PCDH11X: variants seen among roughly 807,000 people sequenced by gnomAD.
PCDH11X encodes the protein protocadherin 11 X-linked, also known as protocadherin-11 X-linked.
A neutral mutation model predicts 53.3 loss-of-function variants in PCDH11X; 18 were observed. That is an observed-to-expected ratio of 0.34 (90% CI 0.23 to 0.50). The LOEUF is 0.50. PCDH11X is among the 20% of genes least tolerant of loss of function. PCDH11X has a pLI of 0.98. For missense variants in PCDH11X, 570 were observed against 1,032.4 expected, an observed-to-expected ratio of 0.55 and a Z score of 6.14; for synonymous variants, 279 against 393.3, an observed-to-expected ratio of 0.71 and a Z score of 3.44.
chrX:92,027,540 A>G (rs189489235), intron 6 of PCDH11X, among the ~76,000 whole-genome samples: 11 of 111,405 alleles, frequency 9.9e-5, no homozygotes, highest in Non-Finnish European at 2.1e-4. Context: ...TACATCTTAT[A>G]TATAGCGTAG....
intron 10 of PCDH11X, among the ~76,000 whole-genome samples, chrX:92,539,332 C>A: frequency 9.0e-6 from 1 of 111,689 alleles, no homozygotes; most frequent in East Asian, 2.8e-4. Context: ...ACTAGCCTGT[C>A]TTCAACTAAA....
At chrX:92,011,022 C>T (rs2062681425) in intron 6 of PCDH11X, among the ~76,000 whole-genome samples, 1 of 111,027 alleles carries the variant, frequency 9.0e-6, no homozygotes, top group Non-Finnish European at 1.9e-5. Flanking sequence ...TAATGGCCTA[C>T]AGCCACATCC....
intron 10 of PCDH11X, among the ~76,000 whole-genome samples, chrX:92,497,162 T>C (rs1274734839): frequency 2.7e-5 from 3 of 109,734 alleles, no homozygotes; most frequent in Non-Finnish European, 5.7e-5. Flanking sequence ...GCTTGGTGGA[T>C]GGAAAAATTA....
intron 6 of PCDH11X, among the ~76,000 whole-genome samples, chrX:92,007,984 A>G (rs1733028592): frequency 9.0e-6 from 1 of 110,773 alleles, no homozygotes; most frequent in African/African-American, 3.3e-5. Flanking sequence ...GACTCTGACC[A>G]GTGCCTTATC....
At chrX:91,821,548 G>A (rs1428176377) in intron 4 of PCDH11X, among the ~76,000 whole-genome samples, 1 of 109,379 alleles carries the variant, frequency 9.1e-6, no homozygotes, top group Admixed American at 9.7e-5. Flanking sequence ...TGCTGAAGTT[G>A]TTTATCAGCT....
intron 6 of PCDH11X, among the ~76,000 whole-genome samples, chrX:92,128,490 C>G (rs1004950016): frequency 2.8e-5 from 3 of 108,373 alleles, no homozygotes; most frequent in African/African-American, 1.0e-4. Context: ...CTCTGCCTCC[C>G]GGGTTCAAGT....
At chrX:91,815,556 G>A (rs1213693187) in intron 4 of PCDH11X, among the ~76,000 whole-genome samples, 3 of 110,205 alleles carry the variant, frequency 2.7e-5, no homozygotes, top group Admixed American at 9.8e-5. Context: ...TCTTCTGTGA[G>A]AATGGTAAAA....
rs34306564 is a variant in PCDH11X, at chrX:92,098,636, C to CTT, written c.3034-102714_3034-102713dup. ...CTTGTCCAGTGAAGCTCCAAATGCT[C>CTT]TTTTTTTTTTTTTTTTTTTTTTTTT... On this transcript the variant is annotated intron_variant, in intron 6 of 10. Coordinates refer to ENST00000682573, the MANE Select transcript of PCDH11X (RefSeq NM_032968.5). Among the ~76,000 whole-genome samples the CTT allele has an allele frequency of 6.7e-3, 296 of 43,902 alleles. 35 individuals carry two copies. The highest frequency in any genetic ancestry group is 8.2e-3 in the Non-Finnish European group (218 of 26,666). 38.1% of individuals were successfully genotyped at this position (43,902 alleles called of 115,157 possible). A position where few individuals can be genotyped will look rare whatever the true frequency, so the allele number is the denominator to read the frequency against.
At chrX:91,947,682 A>C (rs1319665581) in intron 6 of PCDH11X, among the ~76,000 whole-genome samples, 1 of 104,891 alleles carries the variant, frequency 9.5e-6, no homozygotes, top group Non-Finnish European at 2.0e-5. Context: ...ATAAAGAGTA[A>C]TTTTCCTCCA....
intron 10 of PCDH11X, among the ~76,000 whole-genome samples, chrX:92,561,222 G>A (rs1446152107): frequency 1.9e-5 from 2 of 107,473 alleles, no homozygotes; most frequent in Non-Finnish European, 3.8e-5. Flanking sequence ...ATAAATACCT[G>A]ACTATTCAAT....
chrX:92,343,585 G>C (rs1190689786), intron 8 of PCDH11X, among the ~76,000 whole-genome samples: 1 of 110,663 alleles, frequency 9.0e-6, no homozygotes, highest in Non-Finnish European at 1.9e-5. Context: ...AAATGACTTT[G>C]CCTTTCAAGA....
At chrX:92,004,851 C>T (rs2062571876) in intron 6 of PCDH11X, among the ~76,000 whole-genome samples, 1 of 99,532 alleles carries the variant, frequency 1.0e-5, no homozygotes, top group African/African-American at 3.7e-5. Flanking sequence ...GCTTGGCTCA[C>T]TGCAAGCTCC....
chrX:92,147,219 TCTAA>T (rs1203035187), intron 6 of PCDH11X, among the ~76,000 whole-genome samples: 1 of 108,296 alleles, frequency 9.2e-6, no homozygotes, highest in Non-Finnish European at 1.9e-5. Context: ...AATGGAACTA[TCTAA>T]CTATGTAAAA....
At chrX:92,133,470 G>A (rs147669654) in intron 6 of PCDH11X, among the ~76,000 whole-genome samples, 1,411 of 111,532 alleles carry the variant, frequency 0.013, 19 homozygotes, top group African/African-American at 0.043. Flanking sequence ...GGCTTCAAGC[G>A]ATTCTCCTGC....
chrX:91,857,361 G>C (rs903516069), intron 5 of PCDH11X, among the ~76,000 whole-genome samples: 3 of 111,334 alleles, frequency 2.7e-5, no homozygotes, highest in African/African-American at 9.8e-5. Context: ...GGGACACAGC[G>C]AAACCATATT....
intron 6 of PCDH11X, among the ~76,000 whole-genome samples, chrX:92,059,566 C>T (rs756574208): frequency 3.1e-4 from 34 of 111,200 alleles, no homozygotes; most frequent in African/African-American, 9.1e-4. Flanking sequence ...AACAACCTTA[C>T]ATATATCAAA....
chrX:91,919,248 ATGTCAGAAT>A (rs1941668865), intron 6 of PCDH11X, among the ~76,000 whole-genome samples: 1 of 111,630 alleles, frequency 9.0e-6, no homozygotes, highest in South Asian at 3.7e-4. Flanking sequence ...CCTGTTTAAA[ATGTCAGAAT>A]TGTCAAGGTC....
At chrX:91,976,507 A>G (rs2062049103) in intron 6 of PCDH11X, among the ~76,000 whole-genome samples, 1 of 111,424 alleles carries the variant, frequency 9.0e-6, no homozygotes, top group African/African-American at 3.3e-5. Context: ...TTGGTTTGCT[A>G]TTTGGCCTTT....
At chrX:92,181,616 C>T (rs113923750) in intron 6 of PCDH11X, among the ~76,000 whole-genome samples, 2 of 111,926 alleles carry the variant, frequency 1.8e-5, no homozygotes, top group East Asian at 5.7e-4. Context: ...CCCAGAGTCC[C>T]TCTGCTATGT....
Sources: gnomAD v4.1 joint callset for allele counts (sites outside exome capture counted in the v4.1 genomes callset) on GRCh38, gnomAD v4.1.1 for gene constraint, MANE v1.5 for transcripts, NCBI Gene and HGNC (gene_info 2026-07-23, HGNC 2026-07-21) for gene names.